GRIN2B: variants seen among roughly 807,000 people sequenced by gnomAD.
GRIN2B encodes the protein glutamate ionotropic receptor NMDA type subunit 2B, also known as glutamate receptor ionotropic, NMDA 2B.
Under a neutral mutation model 114.5 loss-of-function variants are expected in GRIN2B, and 5 were observed. That is an observed-to-expected ratio of 0.04 (90% CI 0.02 to 0.09). GRIN2B has a LOEUF of 0.09. Among genes scored for constraint, GRIN2B ranks in the 10% least tolerant of loss-of-function variants. The probability of loss-of-function intolerance (pLI) is 1.00; values close to 1 mark genes in which losing one functional copy is unlikely to be tolerated. For missense variants in GRIN2B, 1,108 were observed against 1,943.5 expected, an observed-to-expected ratio of 0.57 and a Z score of 8.08; for synonymous variants, 787 against 745.1, an observed-to-expected ratio of 1.06 and a Z score of -0.92.
chr12:13,839,205 C>A (rs1865335578), intron 3 of GRIN2B, among the ~76,000 whole-genome samples: 1 of 152,204 alleles, frequency 6.6e-6, no homozygotes, highest in Non-Finnish European at 1.5e-5. Context: ...AGTAGCCTGG[C>A]AGGCTGATTT....
At chr12:13,888,789 A>G (rs1866209242) in intron 2 of GRIN2B, among the ~76,000 whole-genome samples, 2 of 63,960 alleles carry the variant, frequency 3.1e-5, no homozygotes, top group Non-Finnish European at 9.8e-5. Context: ...ACGGTATAAA[A>G]GATAAAAAAA....
chr12:13,637,586 G>C (rs776474518), intron 5 of GRIN2B, among the ~76,000 whole-genome samples: 1 of 152,084 alleles, frequency 6.6e-6, no homozygotes, highest in Non-Finnish European at 1.5e-5. Flanking sequence ...GCAAAAAATA[G>C]TCCATGGAGT....
At chr12:13,956,778 T>C (rs773982304) in intron 2 of GRIN2B, among the ~76,000 whole-genome samples, 1 of 152,196 alleles carries the variant, frequency 6.6e-6, no homozygotes, top group African/African-American at 2.4e-5. Context: ...CGTGGATGAA[T>C]AGCATCCATG....
chr12:13,779,073 G>A (rs1229461426), intron 3 of GRIN2B, among the ~76,000 whole-genome samples: 1 of 152,130 alleles, frequency 6.6e-6, no homozygotes, highest in African/African-American at 2.4e-5. Flanking sequence ...ATTTGAGACT[G>A]AGTCTTGTTC....
rs1179333767 is a variant in GRIN2B, at chr12:13,547,418, T to G, written c.*15365A>C. The G allele has an allele frequency of 1.3e-5, 2 of 152,166 alleles. No individual in the cohort carries two copies. Among genetic ancestry groups the G allele is most frequent in the African/African-American group, 4.8e-5 (2 of 41,436 alleles). 9.4% of individuals were successfully genotyped at this position (152,166 alleles called of 1,614,324 possible). A position where few individuals can be genotyped will look rare whatever the true frequency, so the allele number is the denominator to read the frequency against. On this transcript the variant is annotated 3_prime_UTR_variant, in exon 14 of 14. Coordinates refer to ENST00000609686, the MANE Select transcript of GRIN2B (RefSeq NM_000834.5). ...GTGATCATGTGTCTCAAAGAAGAGA[T>G]AACTTTGAGGGAGAGGATGAAAACT...
At chr12:13,692,558 G>A (rs543003149) in intron 4 of GRIN2B, among the ~76,000 whole-genome samples, 9 of 151,766 alleles carry the variant, frequency 5.9e-5, no homozygotes, top group African/African-American at 9.7e-5. Context: ...AGCTGTGCAC[G>A]TTAGGTGAAC....
intron 4 of GRIN2B, among the ~76,000 whole-genome samples, chr12:13,691,435 A>G (rs952583414): frequency 1.3e-5 from 2 of 152,238 alleles, no homozygotes; most frequent in Non-Finnish European, 2.9e-5. Flanking sequence ...GTAAAGACTT[A>G]ATCCCTGTGA....
chr12:13,608,887 G>A, intron 9 of GRIN2B, 55 bp from the exon 10 acceptor site: 7 of 1,286,666 alleles, frequency 5.4e-6, no homozygotes, highest in Non-Finnish European at 7.9e-6. Context: ...TGGTTCTGTT[G>A]AAACCTACAA....
At chr12:13,838,161 T>TA (rs1865311759) in intron 3 of GRIN2B, among the ~76,000 whole-genome samples, 1 of 151,898 alleles carries the variant, frequency 6.6e-6, no homozygotes, top group Admixed American at 6.6e-5. Flanking sequence ...GAATAAGAGG[T>TA]AAATAGCAAA....
chr12:13,736,463 T>C (rs4764030), intron 4 of GRIN2B, among the ~76,000 whole-genome samples: 122,984 of 151,610 alleles, frequency 0.81, 50,195 homozygotes, highest in African/African-American at 0.89. Context: ...CACTAAAATG[T>C]CCAGGTCTTA....
chr12:13,941,406 C>T (rs944198172), intron 2 of GRIN2B, among the ~76,000 whole-genome samples: 1 of 152,132 alleles, frequency 6.6e-6, no homozygotes, highest in African/African-American at 2.4e-5. Context: ...TTGCCAAACC[C>T]TCCTGCTGTG....
intron 10 of GRIN2B, among the ~76,000 whole-genome samples, chr12:13,579,674 G>A (rs1948820942): frequency 6.6e-6 from 1 of 152,212 alleles, no homozygotes; most frequent in Non-Finnish European, 1.5e-5. Context: ...AAAGTCACCA[G>A]GTGCTGGTGT....
chr12:13,705,649 T>G (rs1950353261), intron 4 of GRIN2B, among the ~76,000 whole-genome samples: 1 of 152,166 alleles, frequency 6.6e-6, no homozygotes, highest in African/African-American at 2.4e-5. Context: ...GTCCACAAGC[T>G]TCCCCACATT....
intron 3 of GRIN2B, among the ~76,000 whole-genome samples, chr12:13,850,148 T>C (rs1017910013): frequency 2.6e-5 from 4 of 152,146 alleles, no homozygotes; most frequent in Admixed American, 6.5e-5. Flanking sequence ...TACAGCTGAT[T>C]CTCTAAGACT....
rs1386224688 is a variant in GRIN2B at position 13,666,726 on chromosome 12, T to C, written c.1125+9019A>G. Among the ~76,000 whole-genome samples, 7 of 152,262 alleles carry C rather than the reference T, an allele frequency of 4.6e-5. No homozygotes were observed. The South Asian group carries it at 1.5e-3, about 32-fold the overall frequency. Reference sequence around the variant, plus strand: ...CTGGCCAGCTCTCATAAATAGGTATTGTGGAGATACAGCCTGTGCATGGCT... The same window carrying C: ...CTGGCCAGCTCTCATAAATAGGTATCGTGGAGATACAGCCTGTGCATGGCT... On this transcript the variant is annotated intron_variant, in intron 5 of 13. Coordinates refer to ENST00000609686, the MANE Select transcript of GRIN2B (RefSeq NM_000834.5).
intron 2 of GRIN2B, among the ~76,000 whole-genome samples, chr12:13,946,027 C>A (rs1867356882): frequency 6.6e-6 from 1 of 152,098 alleles, no homozygotes; most frequent in South Asian, 2.1e-4. Flanking sequence ...TGATGTTAGA[C>A]AACCCCATGG....
At chr12:13,918,688 T>C (rs556953556) in intron 2 of GRIN2B, among the ~76,000 whole-genome samples, 1 of 152,336 alleles carries the variant, frequency 6.6e-6, no homozygotes, top group African/African-American at 2.4e-5. Context: ...ATTAAAGGGA[T>C]GGTTATTTGC....
At chr12:13,919,397 C>A (rs1211667776) in intron 2 of GRIN2B, among the ~76,000 whole-genome samples, 1 of 152,158 alleles carries the variant, frequency 6.6e-6, no homozygotes, top group African/African-American at 2.4e-5. Flanking sequence ...TAAATTGAAT[C>A]ATTTGTTTCT....
intron 5 of GRIN2B, among the ~76,000 whole-genome samples, chr12:13,648,153 CA>C (rs1949780211): frequency 1.3e-5 from 2 of 151,978 alleles, no homozygotes; most frequent in Non-Finnish European, 2.9e-5. Context: ...TACATGAGAG[CA>C]CATACGGAGT....
Sources: allele counts gnomAD v4.1 joint callset (sites outside exome capture counted in the v4.1 genomes callset), GRCh38; gene constraint gnomAD v4.1.1; transcripts MANE v1.5; gene names NCBI Gene and HGNC (gene_info 2026-07-23, HGNC 2026-07-21).